Variants in ADCK1 observed in about 807,000 individuals in gnomAD.
ADCK1 encodes the protein aarF domain-containing protein kinase 1.
A neutral mutation model predicts 52.3 loss-of-function variants in ADCK1; 41 were observed. That is an observed-to-expected ratio of 0.78 (90% CI 0.61 to 1.02). The LOEUF is 1.02. ADCK1 is among the 50% of genes least tolerant of loss of function. The pLI is 0.00. For missense variants in ADCK1, 658 were observed against 679.5 expected, an observed-to-expected ratio of 0.97 and a Z score of 0.35; for synonymous variants, 250 against 274.6, an observed-to-expected ratio of 0.91 and a Z score of 0.89.
intron 1 of ADCK1, among the ~76,000 whole-genome samples, chr14:77,809,406 TAC>T (rs924042755): frequency 6.6e-6 from 1 of 152,102 alleles, no homozygotes; most frequent in Non-Finnish European, 1.5e-5. Flanking sequence ...CTTGGCTCAC[TAC>T]AATTACCGCC....
At chr14:77,807,262 G>T (rs917298828) in intron 1 of ADCK1, among the ~76,000 whole-genome samples, 2 of 149,962 alleles carry the variant, frequency 1.3e-5, no homozygotes, top group African/African-American at 2.5e-5. Flanking sequence ...TAGAGACGGG[G>T]TTTCACCATG....
At chr14:77,919,903 T>A (rs543136009) in intron 7 of ADCK1, among the ~76,000 whole-genome samples, 10 of 152,362 alleles carry the variant, frequency 6.6e-5, no homozygotes, top group African/African-American at 1.9e-4. Context: ...TGTCTATTCA[T>A]GTCCTTAGCC....
At chr14:77,871,410 T>C (rs2082774853) in intron 4 of ADCK1, among the ~76,000 whole-genome samples, 1 of 151,892 alleles carries the variant, frequency 6.6e-6, no homozygotes, top group Non-Finnish European at 1.5e-5. Flanking sequence ...CAGGCTGGAG[T>C]GTAGTGGCAT....
chr14:77,916,703 G>T (rs1341982533), intron 7 of ADCK1, among the ~76,000 whole-genome samples: 1 of 152,198 alleles, frequency 6.6e-6, no homozygotes, highest in Non-Finnish European at 1.5e-5. Context: ...GACTGCCTCG[G>T]CCTCACAAAG....
At chr14:77,906,983 G>A (rs1315672659) in intron 6 of ADCK1, among the ~76,000 whole-genome samples, 1 of 152,052 alleles carries the variant, frequency 6.6e-6, no homozygotes, top group Non-Finnish European at 1.5e-5. Context: ...GTGCAGTGGT[G>A]TGATGTATAA....
chr14:77,919,040 T>C (rs903265148), intron 7 of ADCK1, among the ~76,000 whole-genome samples: 13 of 152,252 alleles, frequency 8.5e-5, no homozygotes, highest in African/African-American at 3.1e-4. Context: ...TCTACCATCT[T>C]ACTTGCCCCC....
intron 6 of ADCK1, among the ~76,000 whole-genome samples, chr14:77,904,393 CG>C (rs1335579789): frequency 3.3e-5 from 5 of 152,180 alleles, no homozygotes; most frequent in Non-Finnish European, 7.4e-5. Flanking sequence ...GTGGCAGAGC[CG>C]GGGCTCCAGC....
At chr14:77,874,100 C>T (rs554176731) in intron 4 of ADCK1, among the ~76,000 whole-genome samples, 3 of 152,292 alleles carry the variant, frequency 2.0e-5, no homozygotes, top group South Asian at 4.1e-4. Flanking sequence ...CCCCCATCCC[C>T]GTACTCTTAC....
chr14:77,835,220 A>C (rs1594901770), intron 3 of ADCK1, among the ~76,000 whole-genome samples: 1 of 152,234 alleles, frequency 6.6e-6, no homozygotes, highest in Admixed American at 6.5e-5. Context: ...CCATATCTGC[A>C]TACAGCTTGT....
intron 1 of ADCK1, among the ~76,000 whole-genome samples, chr14:77,803,008 G>A (rs2081144612): frequency 6.6e-6 from 1 of 152,066 alleles, no homozygotes; most frequent in Non-Finnish European, 1.5e-5. Context: ...ATCTTAGGGA[G>A]GGCAGACTGT....
chr14:77,900,046 G>T (rs1234402366), intron 6 of ADCK1, among the ~76,000 whole-genome samples: 1 of 145,272 alleles, frequency 6.9e-6, no homozygotes, highest in African/African-American at 2.6e-5. Context: ...TTCAGGTCTG[G>T]GCAACAAGAG....
chr14:77,914,064 A>C (rs1446108164), intron 7 of ADCK1, among the ~76,000 whole-genome samples: 1 of 152,080 alleles, frequency 6.6e-6, no homozygotes, highest in East Asian at 1.9e-4. Context: ...TTTCTTTTTC[A>C]GAACCCCCAA....
chr14:77,907,990 G>T, intron 7 of ADCK1, 71 bp downstream of exon 7: 2 of 1,277,854 alleles, frequency 1.6e-6, no homozygotes, highest in South Asian at 1.3e-5. Context: ...GGAAGTGCCT[G>T]TGTGTCCAGG....
At chr14:77,837,026 G>A (rs1208812684) in intron 3 of ADCK1, among the ~76,000 whole-genome samples, 1 of 152,000 alleles carries the variant, frequency 6.6e-6, no homozygotes, top group East Asian at 1.9e-4. Context: ...CTGACCTTGT[G>A]ATCCACCTGC....
chr14:77,886,907 AACACACACACACACACAC>A (rs59174310), intron 4 of ADCK1, among the ~76,000 whole-genome samples, 166 bp from the exon 5 acceptor site: 1 of 123,882 alleles, frequency 8.1e-6, no homozygotes, highest in Non-Finnish European at 1.9e-5. Flanking sequence ...ACTCTGTCTC[AACACACACACACACACAC>A]ACACACACAC....
intron 5 of ADCK1, among the ~76,000 whole-genome samples, chr14:77,898,403 T>C (rs1183777995): frequency 6.6e-6 from 1 of 152,186 alleles, no homozygotes; most frequent in African/African-American, 2.4e-5. Context: ...TGCCCATCAA[T>C]GGGAGACTGG....
intron 3 of ADCK1, among the ~76,000 whole-genome samples, chr14:77,823,174 A>C (rs1324742503): frequency 6.6e-6 from 1 of 152,172 alleles, no homozygotes; most frequent in Non-Finnish European, 1.5e-5. Flanking sequence ...GAGATCAAAC[A>C]AGAGGGCATT....
rs992240989 is a variant in ADCK1 at position 77,931,828 on chromosome 14, C to T, written c.1400+117C>T. ...CAGGGCCCTGCCTGAGCTTCCCAATCTCCAGATATCCCTGCAGGCAAAGTT... is the reference window on the plus strand; with the variant it reads ...CAGGGCCCTGCCTGAGCTTCCCAATTTCCAGATATCCCTGCAGGCAAAGTT... On this transcript the variant is annotated intron_variant, in intron 10 of 10. Coordinates refer to ENST00000238561, the MANE Select transcript of ADCK1 (RefSeq NM_020421.4). The T allele has an allele frequency of 6.6e-5, 70 of 1,063,410 alleles. No homozygotes were observed. The African/African-American group carries it at 1.1e-3, about 16-fold the overall frequency. 65.9% of individuals were successfully genotyped at this position (1,063,410 alleles called of 1,614,324 possible).
chr14:77,857,121 G>A (rs906400154), intron 3 of ADCK1, among the ~76,000 whole-genome samples: 2 of 152,140 alleles, frequency 1.3e-5, no homozygotes, highest in African/African-American at 4.8e-5. Context: ...TGGCTGCTGG[G>A]TTGAGGGTGT....
Sources: allele counts gnomAD v4.1 joint callset (sites outside exome capture counted in the v4.1 genomes callset), GRCh38; gene constraint gnomAD v4.1.1; transcripts MANE v1.5; gene names NCBI Gene and HGNC (gene_info 2026-07-23, HGNC 2026-07-21).